TMEM232: variants seen among roughly 807,000 people sequenced by gnomAD.
The protein encoded by TMEM232 is transmembrane protein 232.
TMEM232 carries 80 observed loss-of-function variants against 78.8 expected under a neutral mutation model. That is an observed-to-expected ratio of 1.01 (90% CI 0.85 to 1.22). TMEM232 has a LOEUF of 1.22. Among genes scored for constraint, TMEM232 ranks in the 50% most tolerant of loss-of-function variants. TMEM232 has a pLI of 0.00. For missense variants in TMEM232, 881 were observed against 742.2 expected, an observed-to-expected ratio of 1.19 and a Z score of -2.17; for synonymous variants, 297 against 254.3, an observed-to-expected ratio of 1.17 and a Z score of -1.60.
chr5:110,457,719 C>G lies in TMEM232; in HGVS notation c.1704-32803G>C, dbSNP rs139205148. On this transcript the variant is annotated intron_variant, in intron 12 of 13. Transcript: ENST00000455884. ...GTACAAAAACATATTGGATGAATCT[C>G]AGATGCATTATGCTAAGAGAAGGAA... Among the ~76,000 whole-genome samples the G allele has an allele frequency of 2.6e-5, 4 of 152,064 alleles. No homozygotes were observed. The East Asian group carries it at 7.7e-4, about 29-fold the overall frequency.
chr5:110,476,623 A>T (rs1285260306), intron 12 of TMEM232, among the ~76,000 whole-genome samples: 1 of 152,056 alleles, frequency 6.6e-6, no homozygotes, highest in Non-Finnish European at 1.5e-5. Context: ...ATGATTCTAG[A>T]TCTTCTATTC....
chr5:110,718,150 T>A (rs774680342), intron 1 of TMEM232, among the ~76,000 whole-genome samples: 6 of 152,132 alleles, frequency 3.9e-5, no homozygotes, highest in Non-Finnish European at 8.8e-5. Context: ...TCTACATATA[T>A]TTGTTTGCAA....
intron 11 of TMEM232, among the ~76,000 whole-genome samples, chr5:110,564,608 G>GT (rs1282891583): frequency 2.6e-5 from 4 of 151,954 alleles, no homozygotes; most frequent in African/African-American, 9.7e-5. Context: ...TTTACGACCA[G>GT]TAAGAAAGTT....
chr5:110,485,768 C>A (rs1248468440), intron 12 of TMEM232, among the ~76,000 whole-genome samples: 1 of 151,950 alleles, frequency 6.6e-6, no homozygotes. Flanking sequence ...AATTGTGCTG[C>A]TATAAATATG....
chr5:110,615,099 T>A (rs1463557407), intron 8 of TMEM232, among the ~76,000 whole-genome samples: 4 of 151,976 alleles, frequency 2.6e-5, no homozygotes, highest in Non-Finnish European at 4.4e-5. Context: ...TGAACTCTAA[T>A]CTAAAGTGTT....
At chr5:110,640,022 C>G (rs1218155952) in intron 4 of TMEM232, among the ~76,000 whole-genome samples, 1 of 152,180 alleles carries the variant, frequency 6.6e-6, no homozygotes, top group African/African-American at 2.4e-5. Flanking sequence ...CATGATTCAC[C>G]CCCCTCGGGT....
chr5:110,714,163 A>C (rs1268792855), intron 1 of TMEM232, among the ~76,000 whole-genome samples: 3 of 152,110 alleles, frequency 2.0e-5, no homozygotes, highest in African/African-American at 7.2e-5. Context: ...CTGAGAGTAT[A>C]ATTTGGCAAG....
At chr5:110,559,810 C>G (rs1030160111) in intron 11 of TMEM232, among the ~76,000 whole-genome samples, 5 of 152,140 alleles carry the variant, frequency 3.3e-5, no homozygotes, top group Non-Finnish European at 5.9e-5. Context: ...GTCAGTAAGG[C>G]TGGTTCTTTC....
At chr5:110,539,891 C>T (rs1450747366) in intron 11 of TMEM232, among the ~76,000 whole-genome samples, 1 of 152,164 alleles carries the variant, frequency 6.6e-6, no homozygotes, top group African/African-American at 2.4e-5. Flanking sequence ...AGAACGAGTG[C>T]AAGCCATATG....
intron 13 of TMEM232, among the ~76,000 whole-genome samples, chr5:110,422,895 C>CA (rs918408522): frequency 1.3e-5 from 2 of 151,870 alleles, no homozygotes; most frequent in East Asian, 1.9e-4. Context: ...TAGAAGGAAG[C>CA]AAAAAAATAG....
At chr5:110,538,130 T>C (rs1056052359) in intron 11 of TMEM232, among the ~76,000 whole-genome samples, 4 of 152,032 alleles carry the variant, frequency 2.6e-5, no homozygotes, top group African/African-American at 9.7e-5. Context: ...ATAATGTAAA[T>C]TAAGGGGGGT....
At chr5:110,441,076 T>C (rs1758985317) in intron 12 of TMEM232, among the ~76,000 whole-genome samples, 1 of 152,132 alleles carries the variant, frequency 6.6e-6, no homozygotes, top group African/African-American at 2.4e-5. Context: ...CGCAGGTATG[T>C]CACTTCTGTT....
chr5:110,640,848 T>G, intron 4 of TMEM232, 43 bp downstream of exon 4: 2 of 1,359,870 alleles, frequency 1.5e-6, no homozygotes, highest in Non-Finnish European at 1.9e-6. Context: ...ACTGATGATA[T>G]AGAAAATACT....
At chr5:110,724,073 T>C (rs1308279287) in intron 1 of TMEM232, among the ~76,000 whole-genome samples, 5 of 152,206 alleles carry the variant, frequency 3.3e-5, no homozygotes, top group Admixed American at 6.5e-5. Flanking sequence ...AATCCTAGGA[T>C]ATCTCACACC....
chr5:110,466,307 A>C (rs1762069634), intron 12 of TMEM232, among the ~76,000 whole-genome samples: 1 of 152,200 alleles, frequency 6.6e-6, no homozygotes, highest in Non-Finnish European at 1.5e-5. Flanking sequence ...TTACAAAGAG[A>C]ACTAATTTAA....
intron 4 of TMEM232, among the ~76,000 whole-genome samples, chr5:110,639,004 T>C (rs1352310355): frequency 6.6e-6 from 1 of 152,160 alleles, no homozygotes; most frequent in South Asian, 2.1e-4. Context: ...TCTCAAATCA[T>C]TACAAAAGTT....
intron 11 of TMEM232, among the ~76,000 whole-genome samples, chr5:110,540,182 C>A (rs890195505): frequency 7.2e-5 from 11 of 152,200 alleles, no homozygotes; most frequent in African/African-American, 2.7e-4. Context: ...TGTAGTAGTA[C>A]TAGCCCAGAA....
chr5:110,616,090 C>A (rs1398628047), intron 8 of TMEM232, among the ~76,000 whole-genome samples: 1 of 151,726 alleles, frequency 6.6e-6, no homozygotes, highest in Non-Finnish European at 1.5e-5. Flanking sequence ...TTGTATGAAA[C>A]CACAAAATTC....
chr5:110,665,998 T>C (rs1280582794), intron 2 of TMEM232, among the ~76,000 whole-genome samples: 1 of 151,880 alleles, frequency 6.6e-6, no homozygotes, highest in Non-Finnish European at 1.5e-5. Context: ...GAGCCCAGGA[T>C]TATAGTAAGC....
Sources: allele counts gnomAD v4.1 joint callset (sites outside exome capture counted in the v4.1 genomes callset), GRCh38; gene constraint gnomAD v4.1.1; transcripts MANE v1.5; gene names NCBI Gene and HGNC (gene_info 2026-07-23, HGNC 2026-07-21).